The following GON4L variants were observed in gnomAD, a reference collection of about 807,000 sequenced individuals.
The protein encoded by GON4L is gon-4 like.
GON4L carries 87 observed loss-of-function variants against 211.8 expected under a neutral mutation model. The observed-to-expected ratio is 0.41, with a 90% CI of 0.35 to 0.49. The LOEUF is 0.49. Among genes scored for constraint, GON4L ranks in the 20% least tolerant of loss-of-function variants. GON4L has a pLI of 0.15. For synonymous variants in GON4L, 875 were observed against 962.6 expected, an observed-to-expected ratio of 0.91 and a Z score of 1.68; for missense variants, 2,155 against 2,659.5, an observed-to-expected ratio of 0.81 and a Z score of 4.17.
At chr1:155,828,671 G>T (rs1209347935) in intron 2 of GON4L, among the ~76,000 whole-genome samples, 14 of 151,922 alleles carry the variant, frequency 9.2e-5, no homozygotes, top group Non-Finnish European at 7.4e-5. Context: ...AGCCAGGCAT[G>T]GTGGCGGGCA....
intron 12 of GON4L, among the ~76,000 whole-genome samples, chr1:155,788,851 G>A (rs530040159): frequency 1.3e-5 from 2 of 152,182 alleles, no homozygotes; most frequent in Non-Finnish European, 2.9e-5. Flanking sequence ...AGCACTTTGG[G>A]AGTCCAGGGC....
chr1:155,753,313 C>T lies in GON4L; in HGVS notation c.5733G>A (p.Gly1911=). 1 of 1,613,698 alleles carries T rather than the reference C, an allele frequency of 6.2e-7. No homozygotes were observed. Among genetic ancestry groups the T allele is most frequent in the Non-Finnish European group, 8.5e-7 (1 of 1,179,762 alleles). ...CCTCTTCCATCATATCCTTGCCCTG[C>T]CCAGCTTCCTTAGCACCAGGCATAG... is the stretch of plus-strand genomic sequence containing the variant. ...ASPMPGAKEA[G]QGKDMMEEEA... is the part of the protein sequence containing the mutation. Residue 1911 remains glycine (G), a synonymous_variant, in exon 29 of 32, where the codon GGG becomes GGA. Coordinates refer to ENST00000368331, the MANE Select transcript of GON4L (RefSeq NM_001282860.2).
chr1:155,805,763 C>G lies in GON4L; in HGVS notation c.1453-622G>C, dbSNP rs191092702. Among the ~76,000 whole-genome samples the G allele has an allele frequency of 3.2e-4, 49 of 151,774 alleles. No homozygotes were observed. In the East Asian group the frequency reaches 8.9e-3, roughly 28 times the overall value. On this transcript the variant is annotated intron_variant, in intron 10 of 31. Transcript: ENST00000368331. ...AGAATGCAGTGGTGCCATCTCGGCT[C>G]ACTGCAACCTCTGCCTCTTGGGTTC...
intron 11 of GON4L, among the ~76,000 whole-genome samples, chr1:155,799,640 C>A (rs1666437949): frequency 6.6e-6 from 1 of 152,074 alleles, no homozygotes; most frequent in Non-Finnish European, 1.5e-5. Context: ...GGGGTGAAGC[C>A]CTGAAATCTG....
Position 155,765,820 on chromosome 1 carries a change from G to A in GON4L, c.3653C>T (p.Pro1218Leu). The A allele has an allele frequency of 6.2e-7, 1 of 1,614,150 alleles. No individual in the cohort carries two copies. The highest frequency in any genetic ancestry group is 1.7e-5 in the Admixed American group (1 of 60,008). ...VSGNSVNLPI[P>L]STPEDKAHVN... ...GTGGGCCTTATCTTCAGGGGTGGATGGTATAGGAAGATTCACAGAATTGCC... is the reference window on the plus strand; with the variant it reads ...GTGGGCCTTATCTTCAGGGGTGGATAGTATAGGAAGATTCACAGAATTGCC... The change falls in exon 21 of 32, where the codon CCA becomes CTA. Residue 1218 changes from proline (P) to leucine (L), a missense_variant. Physicochemically the swap from Pro to Leu is moderately conservative, Grantham distance 98 (BLOSUM62 -3). Coordinates refer to ENST00000368331, the MANE Select transcript of GON4L (RefSeq NM_001282860.2).
downstream of GON4L, chr1:155,748,799 T>C: frequency 2.5e-6 from 4 of 1,609,514 alleles, no homozygotes; most frequent in South Asian, 2.2e-5. Flanking sequence ...GTGAGAGCTG[T>C]TGGTCCTTAG....
chr1:155,779,568 G>A (rs1189716578), intron 14 of GON4L, among the ~76,000 whole-genome samples: 1 of 152,072 alleles, frequency 6.6e-6, no homozygotes, highest in Non-Finnish European at 1.5e-5. Context: ...ACCTGCCTCG[G>A]CCTCCCAAAG....
chr1:155,803,630 A>G (rs1254199283), intron 11 of GON4L, among the ~76,000 whole-genome samples: 1 of 152,174 alleles, frequency 6.6e-6, no homozygotes, highest in Non-Finnish European at 1.5e-5. Context: ...GGGTCACCAC[A>G]TACTTCAACC....
intron 11 of GON4L, among the ~76,000 whole-genome samples, chr1:155,801,985 T>A (rs1209784737): frequency 1.3e-5 from 2 of 151,746 alleles, no homozygotes; most frequent in East Asian, 3.9e-4. Flanking sequence ...AGTACTGGGA[T>A]TACAGGCATG....
chr1:155,776,327 C>A, intron 16 of GON4L, 68 bp downstream of exon 16: 1 of 1,089,632 alleles, frequency 9.2e-7, no homozygotes, highest in Non-Finnish European at 1.4e-6. Context: ...CAGTGAATAA[C>A]TGAGAAATAA....
In GON4L at chr1:155,750,683, T is replaced by G; in HGVS notation, c.6627A>C (p.Glu2209Asp). 3 of 1,585,196 alleles carry G rather than the reference T, an allele frequency of 1.9e-6. No homozygotes were observed. The highest frequency in any genetic ancestry group is 2.6e-6 in the Non-Finnish European group (3 of 1,165,996). The change falls in exon 32 of 32, where the codon GAA becomes GAC. Residue 2209 changes from glutamate to aspartate, a missense_variant. Transcript: ENST00000368331. ...CATCATCCTCATCCTCAGAGCTGGC[T>G]TCACAGGCAGTGTGGAAGAGCTGCA... ...ELMQLFHTAC[E>D]ASSEDEDDAT...
chr1:155,781,616 C>A (rs893291455), intron 14 of GON4L, among the ~76,000 whole-genome samples: 7 of 151,962 alleles, frequency 4.6e-5, no homozygotes, highest in Admixed American at 2.0e-4. Context: ...GCGAGTGCTA[C>A]CATGCCTGGC....
At position 155,826,999 on chromosome 1, in the gene GON4L, T is replaced by A; in HGVS notation, c.535A>T (p.Ile179Leu). ...TGGCTGCCTGATGGCAGGGAAGGTATCTCCCCTTCAGAATTCATTTGAGGT... is the reference window on the plus strand; with the variant it reads ...TGGCTGCCTGATGGCAGGGAAGGTAACTCCCCTTCAGAATTCATTTGAGGT... Reference protein sequence around the residue: ...GKPQMNSEGEIPSLPSGSQSA... With the variant: ...GKPQMNSEGELPSLPSGSQSA... The change falls in exon 3 of 32, where the codon ATA (isoleucine) becomes TTA (leucine). Residue 179 changes from isoleucine (I) to leucine (L), a missense_variant. This residue lies in a region of GON4L where 313 missense variants were observed against 293.2 expected (regional missense o/e 1.07). Transcript: ENST00000368331. The A allele has an allele frequency of 6.2e-7, 1 of 1,613,730 alleles. No homozygotes were observed. Among genetic ancestry groups the A allele is most frequent in the Non-Finnish European group, 8.5e-7 (1 of 1,179,610 alleles).
At position 155,765,852 on chromosome 1, in the gene GON4L, A is replaced by G; in HGVS notation, c.3621T>C (p.Ile1207=). The part of the protein sequence containing the change: ...SLVASSVSPL[I]VSGNSVNLPI... ...GAAGATTCACAGAATTGCCAGAAAC[A>G]ATTAAGGGTGAGACAGAGGAGGCCA... Residue 1207 remains isoleucine (I), a synonymous_variant, in exon 21 of 32, where the codon ATT becomes ATC. Coordinates refer to ENST00000368331, the MANE Select transcript of GON4L (RefSeq NM_001282860.2). 6.2e-7 allele frequency: 1 copy of G among 1,614,194 alleles called. No homozygotes were observed. Among genetic ancestry groups the G allele is most frequent in the South Asian group, 1.1e-5 (1 of 91,084 alleles).
chr1:155,836,616 C>A (rs1447431578), intron 2 of GON4L, among the ~76,000 whole-genome samples: 1 of 152,144 alleles, frequency 6.6e-6, no homozygotes, highest in African/African-American at 2.4e-5. Flanking sequence ...TCAAATCAAT[C>A]AGGAAATGGG....
At chr1:155,809,790 T>TTATATATATTTATAATTTATATA (rs895837051) in intron 10 of GON4L, among the ~76,000 whole-genome samples, 1 of 57,550 alleles carries the variant, frequency 1.7e-5, no homozygotes, top group Non-Finnish European at 3.2e-5. Context: ...AATTATATAC[T>TTATATATATTTATAATTTATATA]TATATATAAT....
chr1:155,816,446 G>A lies in GON4L; in HGVS notation c.1015-184C>T, dbSNP rs557865940. Reference sequence around the variant, plus strand: ...GTCAGAGTTAGAAAGAAGAAACCAGGAAAGAATCTATTACTGTCATTAGCA... The same window carrying A: ...GTCAGAGTTAGAAAGAAGAAACCAGAAAAGAATCTATTACTGTCATTAGCA... On this transcript the variant is annotated intron_variant, in intron 6 of 31. Transcript: ENST00000368331. 5.9e-5 allele frequency among the ~76,000 whole-genome samples: 9 copies of A among 152,236 alleles called. No individual in the cohort carries two copies. The South Asian group carries it at 1.0e-3, about 18-fold the overall frequency.
At chr1:155,755,227 A>G (rs763903139) in intron 27 of GON4L, among the ~76,000 whole-genome samples, 30 of 151,422 alleles carry the variant, frequency 2.0e-4, no homozygotes, top group Non-Finnish European at 2.1e-4. Flanking sequence ...CATGCCACTA[A>G]GCCTAATTTT....
chr1:155,805,198 C>A (rs145344675), intron 10 of GON4L, 57 bp from the exon 11 acceptor site: 2 of 1,111,396 alleles, frequency 1.8e-6, no homozygotes, highest in African/African-American at 3.1e-5. Flanking sequence ...ACCTCATCAT[C>A]ACTCCTTTTC....
Sources: allele counts gnomAD v4.1 joint callset (sites outside exome capture counted in the v4.1 genomes callset), GRCh38; gene constraint gnomAD v4.1.1; regional missense constraint gnomAD v4.1.1; transcripts MANE v1.5; gene names NCBI Gene and HGNC (gene_info 2026-07-23, HGNC 2026-07-21).